LAMC1: variants seen among roughly 807,000 people sequenced by gnomAD.
LAMC1 encodes the protein laminin subunit gamma 1.
LAMC1 carries 38 observed loss-of-function variants against 173.6 expected under a neutral mutation model. The ratio of observed to expected loss-of-function variants is 0.22; its 90% CI spans 0.17 to 0.29. The LOEUF is 0.29. LAMC1 is among the 10% of genes least tolerant of loss of function. The pLI is 1.00. For missense variants in LAMC1, 1,824 were observed against 2,051.8 expected (o/e 0.89, Z 2.14); for synonymous variants, 746 against 749.1 (o/e 1.00, Z 0.07).
At chr1:183,050,704 C>G (rs1051874230) in intron 1 of LAMC1, among the ~76,000 whole-genome samples, 1 of 149,598 alleles carries the variant, frequency 6.7e-6, no homozygotes, top group Non-Finnish European at 1.5e-5. Flanking sequence ...CCAGCCTGAC[C>G]AACATGGTGA....
At chr1:183,098,751 CCCTTAAAA>C (rs1234675577) in intron 1 of LAMC1, among the ~76,000 whole-genome samples, 1 of 152,128 alleles carries the variant, frequency 6.6e-6, no homozygotes, top group Non-Finnish European at 1.5e-5. Flanking sequence ...TAACTTCTGC[CCCTTAAAA>C]CCTACAATGT....
chr1:183,055,253 G>T (rs1283312736), intron 1 of LAMC1, among the ~76,000 whole-genome samples: 1 of 151,382 alleles, frequency 6.6e-6, no homozygotes, highest in Non-Finnish European at 1.5e-5. Context: ...GCCTCCGGAA[G>T]TGCTGGGATT....
intron 1 of LAMC1, among the ~76,000 whole-genome samples, chr1:183,043,894 A>G (rs1017986500): frequency 2.0e-5 from 3 of 152,176 alleles, no homozygotes; most frequent in Non-Finnish European, 2.9e-5. Flanking sequence ...TACATTTTGA[A>G]TTGAAAGTTA....
intron 1 of LAMC1, among the ~76,000 whole-genome samples, chr1:183,036,435 C>T (rs1303674282): frequency 7.1e-6 from 1 of 140,572 alleles, no homozygotes. Flanking sequence ...AAGAGTTTCG[C>T]TCTGTCACCC....
At chr1:183,045,768 A>T (rs1325427661) in intron 1 of LAMC1, among the ~76,000 whole-genome samples, 1 of 152,082 alleles carries the variant, frequency 6.6e-6, no homozygotes, top group Non-Finnish European at 1.5e-5. Flanking sequence ...GCTAGTTTAG[A>T]TGCTCAACTA....
intron 11 of LAMC1, 64 bp from the exon 12 acceptor site, chr1:183,121,659 T>G: frequency 7.0e-7 from 1 of 1,428,940 alleles, no homozygotes; most frequent in Non-Finnish European, 9.5e-7. Flanking sequence ...TTAGTGTTAC[T>G]GACTTTACAC....
At chr1:183,079,357 C>T (rs1039070335) in intron 1 of LAMC1, among the ~76,000 whole-genome samples, 9 of 143,454 alleles carry the variant, frequency 6.3e-5, no homozygotes, top group Non-Finnish European at 1.0e-4. Context: ...CAGGTTCAAG[C>T]GATTCTCCTG....
chr1:183,052,177 G>A (rs1558033240), intron 1 of LAMC1, among the ~76,000 whole-genome samples: 1 of 152,010 alleles, frequency 6.6e-6, no homozygotes, highest in Non-Finnish European at 1.5e-5. Flanking sequence ...GCATGTGTTG[G>A]CTAGCTACCT....
At chr1:183,026,458 CA>C (rs1653689802) in intron 1 of LAMC1, among the ~76,000 whole-genome samples, 1 of 151,928 alleles carries the variant, frequency 6.6e-6, no homozygotes, top group African/African-American at 2.4e-5. Context: ...TTTCGATCAA[CA>C]ATTTATGACA....
intron 18 of LAMC1, among the ~76,000 whole-genome samples, chr1:183,130,070 C>T (rs1357833433): frequency 6.6e-6 from 1 of 152,094 alleles, no homozygotes; most frequent in African/African-American, 2.4e-5. Flanking sequence ...TTCTCTTTGC[C>T]AACCACTGCA....
chr1:183,138,098 A>G, intron 26 of LAMC1: 1 of 376,714 alleles, frequency 2.7e-6, no homozygotes, highest in South Asian at 1.1e-4. Flanking sequence ...CATTAAAAGT[A>G]TGTGTTTATA....
chr1:183,103,601 C>T lies in LAMC1; in HGVS notation c.692C>T (p.Ala231Val). The change falls in exon 2 of 28, where the codon GCC becomes GTC. Residue 231 changes from alanine to valine, a missense_variant. Ala to Val is a moderately conservative substitution (Grantham distance 64). Coordinates refer to ENST00000258341, the MANE Select transcript of LAMC1 (RefSeq NM_002293.4). The stretch of plus-strand genomic sequence containing the variant: ...TCTACCCTGGAAGGAAGGCCCAGCG[C>T]CTATAACTTTGACAATAGCCCTGTG... ...AFSTLEGRPS[A>V]YNFDNSPVLQ... 2 of 1,582,546 alleles carry T rather than the reference C, an allele frequency of 1.3e-6. No individual in the cohort carries two copies. The highest frequency in any genetic ancestry group is 1.7e-6 in the Non-Finnish European group (2 of 1,165,406).
At chr1:183,082,223 A>G (rs2102051468) in intron 1 of LAMC1, among the ~76,000 whole-genome samples, 1 of 152,342 alleles carries the variant, frequency 6.6e-6, no homozygotes. Context: ...TTGTGTGGAC[A>G]TACATTTTCA....
At chr1:183,052,683 A>G (rs558045763) in intron 1 of LAMC1, among the ~76,000 whole-genome samples, 3 of 152,110 alleles carry the variant, frequency 2.0e-5, no homozygotes, top group African/African-American at 4.8e-5. Flanking sequence ...CCTCCTGCTC[A>G]TGTCCCTTCC....
At position 183,144,034 on chromosome 1, in the gene LAMC1, TAGAGGGAAGAC is replaced by T. The variant is rs1657190022; in HGVS notation, c.*1245_*1255del. On this transcript the variant is annotated 3_prime_UTR_variant, in exon 28 of 28. Transcript: ENST00000258341. ...CCACTCTAAACCTTCCCTCTAAGTG[TAGAGGGAAGAC>T]CCTTACGTGGAGTTTCCTAGTGGGC... 6.6e-6 allele frequency: 1 copy of T among 152,558 alleles called. No homozygotes were observed. Among genetic ancestry groups the T allele is most frequent in the South Asian group, 2.1e-4 (1 of 4,826 alleles). The allele number at this position is 152,558 out of a possible 1,614,324, so 9.5% of individuals were successfully genotyped here. A position where few individuals can be genotyped will look rare whatever the true frequency, so the allele number is the denominator to read the frequency against.
At chr1:183,108,186 T>G (rs545388334) in intron 2 of LAMC1, 90 bp from the exon 3 acceptor site, 2 of 1,207,012 alleles carry the variant, frequency 1.7e-6, no homozygotes, top group Non-Finnish European at 2.4e-6. Context: ...TAAATGATAA[T>G]AAGTTAGTGA....
intron 1 of LAMC1, among the ~76,000 whole-genome samples, chr1:183,035,910 G>T (rs1006831047): frequency 6.6e-6 from 1 of 152,098 alleles, no homozygotes; most frequent in Non-Finnish European, 1.5e-5. Flanking sequence ...GAGTATAATA[G>T]TAACCAATCA....
At chr1:183,059,803 G>A (rs1455702967) in intron 1 of LAMC1, among the ~76,000 whole-genome samples, 2 of 152,220 alleles carry the variant, frequency 1.3e-5, no homozygotes, top group Admixed American at 1.3e-4. Flanking sequence ...AGAATCTGAA[G>A]TTAGTTAGGT....
At chr1:183,090,810 G>A (rs1026473475) in intron 1 of LAMC1, among the ~76,000 whole-genome samples, 3 of 152,152 alleles carry the variant, frequency 2.0e-5, no homozygotes, top group African/African-American at 4.8e-5. Flanking sequence ...GCCTCTGCCT[G>A]GTGGGGGGAG....
Sources: allele counts gnomAD v4.1 joint callset (sites outside exome capture counted in the v4.1 genomes callset), GRCh38; gene constraint gnomAD v4.1.1; transcripts MANE v1.5; gene names NCBI Gene and HGNC (gene_info 2026-07-23, HGNC 2026-07-21).